Variants in DNAH5 observed in about 807,000 individuals in gnomAD.
DNAH5 encodes dynein axonemal heavy chain 5, also known as axonemal beta dynein heavy chain 5.
In DNAH5, 372 loss-of-function variants were observed where a neutral mutation model predicts 518.2. That is an observed-to-expected ratio of 0.72 (90% CI 0.66 to 0.78). The LOEUF is 0.78. Ranked by LOEUF, DNAH5 falls within the 30% of genes least tolerant of loss-of-function variation. DNAH5 has a pLI of 0.00. For synonymous variants in DNAH5, 2,039 were observed against 2,025.9 expected (o/e 1.01, Z -0.17); for missense variants, 5,523 against 5,687.0 (o/e 0.97, Z 0.93).
Position 13,841,598 on chromosome 5 carries a change from A to C in DNAH5, c.5484+94T>G, listed in dbSNP as rs953452103. The stretch of plus-strand genomic sequence containing the variant: ...AAAATCTTAATACTGGTCTAGAGTT[A>C]AATTATAGCCATTTTTGAAGCTTAC... On this transcript the variant is annotated intron_variant, in intron 33 of 78. Transcript: ENST00000265104. The C allele has an allele frequency of 1.2e-4, 122 of 994,368 alleles. 1 individual carries two copies. In the Middle Eastern group the frequency reaches 3.2e-3, roughly 26 times the overall value. The allele number at this position is 994,368 out of a possible 1,614,324, so 61.6% of individuals were successfully genotyped here.
At position 13,885,981 on chromosome 5, in the gene DNAH5, T is replaced by C; in HGVS notation, c.2726A>G (p.Tyr909Cys). 6.2e-7 allele frequency: 1 copy of C among 1,613,072 alleles called. No individual in the cohort carries two copies. Among genetic ancestry groups the C allele is most frequent in the Non-Finnish European group, 8.5e-7 (1 of 1,179,830 alleles). Residue 909 changes from tyrosine to cysteine, a missense_variant, in exon 18 of 79, where the codon TAC (tyrosine) becomes TGC (cysteine). Transcript: ENST00000265104. ...EKISNENSVN[Y>C]KNESSAKREE... ...TCTCTTACCTGAACTTTCATTTTTG[T>C]AATTAACACTATTCTCATTGGATAT... is the stretch of plus-strand genomic sequence containing the variant.
chr5:13,830,307 G>A, intron 36 of DNAH5, 94 bp from the exon 37 acceptor site: 2 of 1,198,458 alleles, frequency 1.7e-6, no homozygotes, highest in Non-Finnish European at 2.4e-6. Context: ...TGAGCCAGAT[G>A]TAAGTTCATT....
intron 1 of DNAH5, among the ~76,000 whole-genome samples, chr5:13,983,068 C>T (rs369352571): frequency 6.6e-6 from 1 of 152,344 alleles, no homozygotes; most frequent in East Asian, 1.9e-4. Flanking sequence ...TGCAAACCCA[C>T]TGCATCAGAA....
intron 1 of DNAH5, among the ~76,000 whole-genome samples, chr5:13,968,400 G>C (rs1478350744): frequency 1.3e-5 from 2 of 151,830 alleles, no homozygotes; most frequent in Admixed American, 6.6e-5. Context: ...TAGTTCTCAG[G>C]GGGGAATGCT....
chr5:13,725,503 C>A (rs1203729684), intron 70 of DNAH5, among the ~76,000 whole-genome samples: 1 of 152,146 alleles, frequency 6.6e-6, no homozygotes. Context: ...AAGCCAACAC[C>A]CCACTGTGGA....
At chr5:13,694,343 T>A (rs1579775140) in intron 78 of DNAH5, among the ~76,000 whole-genome samples, 1 of 152,238 alleles carries the variant, frequency 6.6e-6, no homozygotes, top group Non-Finnish European at 1.5e-5. Flanking sequence ...GCGGCAGGAT[T>A]AGAAGCCACT....
chr5:13,792,528 A>T (rs1312597935), intron 49 of DNAH5, among the ~76,000 whole-genome samples: 1 of 152,242 alleles, frequency 6.6e-6, no homozygotes, highest in Non-Finnish European at 1.5e-5. Context: ...ACCTTATAAT[A>T]AGATAAGAAA....
chr5:13,779,072 A>G (rs968771316), intron 53 of DNAH5, among the ~76,000 whole-genome samples: 2 of 152,232 alleles, frequency 1.3e-5, no homozygotes, highest in Non-Finnish European at 1.5e-5. Flanking sequence ...AAGATGGGCT[A>G]CTGCTATCTG....
intron 78 of DNAH5, among the ~76,000 whole-genome samples, chr5:13,695,205 T>C (rs554842087): frequency 1.3e-5 from 2 of 152,284 alleles, no homozygotes; most frequent in South Asian, 2.1e-4. Flanking sequence ...ACGTGACTAA[T>C]GACTAGGATG....
At chr5:13,960,060 A>G (rs995772367) in intron 1 of DNAH5, among the ~76,000 whole-genome samples, 12 of 152,140 alleles carry the variant, frequency 7.9e-5, no homozygotes, top group Admixed American at 7.9e-4. Context: ...AGACAAGAAT[A>G]GAAAAGGAGT....
chr5:14,001,585 A>G (rs4455556), intron 1 of DNAH5, among the ~76,000 whole-genome samples: 112,076 of 151,492 alleles, frequency 0.74, 41,806 homozygotes, highest in East Asian at 0.97. Flanking sequence ...GAATGGTCTC[A>G]ATCTCCTGAC....
At chr5:13,939,572 T>C (rs1275168726) in intron 1 of DNAH5, among the ~76,000 whole-genome samples, 1 of 152,072 alleles carries the variant, frequency 6.6e-6, no homozygotes, top group East Asian at 1.9e-4. Context: ...AGCTTCTCTG[T>C]TTCAACCCAC....
chr5:13,740,222 G>C (rs1473730282), intron 65 of DNAH5, among the ~76,000 whole-genome samples: 1 of 152,034 alleles, frequency 6.6e-6, no homozygotes, highest in Non-Finnish European at 1.5e-5. Context: ...CACCACCCTG[G>C]TTTAAACTAT....
chr5:13,861,203 A>G (rs1410716103), intron 29 of DNAH5, among the ~76,000 whole-genome samples: 1 of 152,202 alleles, frequency 6.6e-6, no homozygotes, highest in Non-Finnish European at 1.5e-5. Context: ...CTATCTCCCT[A>G]GGGTATATTA....
chr5:13,958,505 G>A (rs917690150), intron 1 of DNAH5, among the ~76,000 whole-genome samples: 3 of 151,860 alleles, frequency 2.0e-5, no homozygotes, highest in African/African-American at 7.3e-5. Context: ...TTTTAAGACT[G>A]GATAAAGATA....
In DNAH5 at chr5:13,786,167, T is replaced by C. The variant is rs368950394; in HGVS notation, c.8820+12A>G. Reference sequence around the variant, plus strand: ...CACCTCCACAAGGCACTACTCAGAGTGGCTACTGTACCTTGACTAAGTGAA... The same window carrying C: ...CACCTCCACAAGGCACTACTCAGAGCGGCTACTGTACCTTGACTAAGTGAA... On this transcript the variant is annotated intron_variant, in intron 52 of 78. Transcript: ENST00000265104. 3.1e-6 allele frequency: 5 copies of C among 1,613,488 alleles called. No homozygotes were observed. The highest frequency in any genetic ancestry group is 4.2e-6 in the Non-Finnish European group (5 of 1,179,804).
chr5:13,844,602 T>C (rs1210903389), intron 32 of DNAH5, among the ~76,000 whole-genome samples: 1 of 148,532 alleles, frequency 6.7e-6, no homozygotes, highest in Admixed American at 6.7e-5. Flanking sequence ...GCTACATAAA[T>C]GCCTTCTTAA....
intron 69 of DNAH5, among the ~76,000 whole-genome samples, chr5:13,729,096 T>C (rs985789468): frequency 3.3e-5 from 5 of 152,178 alleles, no homozygotes; most frequent in Non-Finnish European, 5.9e-5. Context: ...ATTTAACCTC[T>C]AGAAAGAAGG....
chr5:13,828,976 T>A (rs1020319746), intron 38 of DNAH5, among the ~76,000 whole-genome samples: 3 of 152,246 alleles, frequency 2.0e-5, no homozygotes, highest in African/African-American at 7.2e-5. Context: ...GTTAGATGAC[T>A]ATTATGCAGC....
Sources: gnomAD v4.1 joint callset for allele counts (sites outside exome capture counted in the v4.1 genomes callset) on GRCh38, gnomAD v4.1.1 for gene constraint, MANE v1.5 for transcripts, NCBI Gene and HGNC (gene_info 2026-07-23, HGNC 2026-07-21) for gene names.